PRH1: variants seen among roughly 807,000 people sequenced by gnomAD.
The protein encoded by PRH1 is salivary acidic proline-rich phosphoprotein 1/2.
A neutral mutation model predicts 7.9 loss-of-function variants in PRH1; 7 were observed. The observed-to-expected ratio is 0.89, with a 90% CI of 0.50 to 1.67. The LOEUF is 1.67. Among genes scored for constraint, PRH1 ranks in the 40% most tolerant of loss-of-function variants. The pLI is 0.00. For synonymous variants in PRH1, 45 were observed against 80.8 expected (o/e 0.56, Z 2.38); for missense variants, 109 against 223.6 (o/e 0.49, Z 3.27).
Position 11,017,992 on chromosome 12 carries a change from A to G in PRH1, c.-126+29028T>C, listed in dbSNP as rs141652757. Among the ~76,000 whole-genome samples the G allele has an allele frequency of 4.3e-3, 662 of 152,336 alleles. 5 individuals are homozygous for G. The highest frequency in any genetic ancestry group is 0.015 in the African/African-American group (640 of 41,574). On this transcript the variant is annotated intron_variant, in intron 1 of 3. Transcript: ENST00000539853. ...CCTCTGCCAAAACCAGATGGGTTACAGAATGAATGCAAAGACTCCTGGTTT... is the reference window on the plus strand; with the variant it reads ...CCTCTGCCAAAACCAGATGGGTTACGGAATGAATGCAAAGACTCCTGGTTT...
chr12:10,941,316 G>A (rs1203363909), intron 2 of PRH1, among the ~76,000 whole-genome samples: 1 of 152,146 alleles, frequency 6.6e-6, no homozygotes, highest in African/African-American at 2.4e-5. Context: ...AGCTCTTAGG[G>A]AAAGGCAATC....
intron 1 of PRH1, among the ~76,000 whole-genome samples, chr12:11,080,418 T>A (rs1944461453): frequency 8.5e-6 from 1 of 117,124 alleles, no homozygotes; most frequent in Admixed American, 8.5e-5. Flanking sequence ...TGAGCTATTA[T>A]GAATAATGCT....
chr12:10,900,311 T>A (rs1949705547), intron 2 of PRH1, among the ~76,000 whole-genome samples: 1 of 152,148 alleles, frequency 6.6e-6, no homozygotes, highest in Non-Finnish European at 1.5e-5. Flanking sequence ...TTAGAGACAT[T>A]GTAAGGGAAA....
intron 1 of PRH1, among the ~76,000 whole-genome samples, chr12:11,112,728 T>C (rs752731335): frequency 1.3e-5 from 2 of 152,218 alleles, no homozygotes; most frequent in Non-Finnish European, 2.9e-5. Flanking sequence ...GCATTCCCTT[T>C]GAAAATCGGC....
Position 10,882,637 on chromosome 12 carries a change from C to A in PRH1, c.162G>T (p.Gln54His). 2.5e-6 allele frequency: 4 copies of A among 1,612,282 alleles called. No individual in the cohort carries two copies. In the South Asian group the frequency reaches 4.4e-5, roughly 18 times the overall value. ...CATCACCAGCAGAGGGTTGAGATTG[C>A]TGTCCTCCCAAAGGTGGTCCCTGAC... ...EERQGPPLGG[Q>H]QSQPSAGDGN... is the part of the protein sequence containing the mutation. The change falls in exon 3 of 4, where the codon CAG (glutamine) becomes CAT (histidine). Residue 54 changes from glutamine to histidine, a missense_variant. Gln to His is a conservative substitution (Grantham distance 24). Around this residue, in one of 3 missense-constraint regions of PRH1, gnomAD observed 60 missense variants for 76.5 expected, o/e 0.78. Coordinates refer to ENST00000543626, the MANE Select transcript of PRH1 (RefSeq NM_001393989.1).
At chr12:10,961,265 G>A (rs1192959206) in intron 2 of PRH1, among the ~76,000 whole-genome samples, 1 of 144,100 alleles carries the variant, frequency 6.9e-6, no homozygotes. Flanking sequence ...CAAAACAGCA[G>A]TTGCAGAAGA....
chr12:11,045,669 G>A (rs1411468991), intron 1 of PRH1, among the ~76,000 whole-genome samples: 1 of 151,870 alleles, frequency 6.6e-6, no homozygotes, highest in East Asian at 1.9e-4. Context: ...ACCAAAAAAT[G>A]TAAAATTATG....
intron 3 of PRH1, among the ~76,000 whole-genome samples, chr12:10,881,567 T>G (rs1470801152): frequency 6.6e-6 from 1 of 152,168 alleles, no homozygotes; most frequent in Non-Finnish European, 1.5e-5. Flanking sequence ...GAATATACAG[T>G]ATGGTATAAG....
intron 1 of PRH1, among the ~76,000 whole-genome samples, chr12:11,024,337 A>G (rs1263940478): frequency 6.6e-6 from 1 of 152,252 alleles, no homozygotes; most frequent in Non-Finnish European, 1.5e-5. Context: ...GTAGGGCAAG[A>G]CATGGAACAT....
intron 1 of PRH1, among the ~76,000 whole-genome samples, chr12:10,980,786 G>GA (rs907523436): frequency 6.6e-6 from 1 of 152,102 alleles, no homozygotes; most frequent in African/African-American, 2.4e-5. Context: ...AGTAAATAAG[G>GA]AAAAAATCAG....
rs34742610 is a variant in PRH1, at chr12:11,094,299, C to CAAAAAAAAAAAA, written n.124-47123_124-47112dup. On this transcript the variant is annotated intron_variant and non_coding_transcript_variant, in intron 1 of 4. Coordinates refer to the PRH1 transcript ENST00000541977. ...CCTGAGTGACAGACCAAGACTCTGT[C>CAAAAAAAAAAAA]AAAAAAAAAAAAAAAAAAAAAAAAA... Among the ~76,000 whole-genome samples, 23 of 27,014 alleles carry CAAAAAAAAAAAA rather than the reference C, an allele frequency of 8.5e-4. 3 individuals carry two copies. The highest frequency in any genetic ancestry group is 1.7e-3 in the Admixed American group (3 of 1,796). The allele number at this position is 27,014 out of a possible 152,430, so 17.7% of individuals were successfully genotyped here.
chr12:10,909,606 G>T (rs1373857651), intron 2 of PRH1: 3 of 327,122 alleles, frequency 9.2e-6, no homozygotes, highest in Non-Finnish European at 1.7e-5. Context: ...ACTCACATTT[G>T]CAACCATGCA....
intron 1 of PRH1, chr12:11,030,836 T>C (rs750544925): frequency 6.2e-6 from 10 of 1,614,152 alleles, no homozygotes; most frequent in Non-Finnish European, 8.5e-6. Flanking sequence ...ACTCCTCAAT[T>C]TGATCTTCCA....
intron 2 of PRH1, among the ~76,000 whole-genome samples, chr12:10,919,152 A>T (rs909872366): frequency 2.0e-4 from 31 of 152,150 alleles, no homozygotes; most frequent in African/African-American, 7.2e-4. Context: ...TATGTTACAC[A>T]TTTGTCTTAT....
intron 1 of PRH1, among the ~76,000 whole-genome samples, chr12:11,140,582 A>G (rs533166000): frequency 1.3e-5 from 2 of 152,280 alleles, no homozygotes; most frequent in African/African-American, 4.8e-5. Flanking sequence ...GTCTTTATGG[A>G]AAACATGATA....
intron 2 of PRH1, chr12:10,938,702 G>C (rs1950337179): frequency 3.7e-6 from 6 of 1,613,810 alleles, no homozygotes. Context: ...AAAGTTACTT[G>C]AATCAGAACT....
intron 1 of PRH1, chr12:10,998,008 C>T: frequency 1.6e-6 from 1 of 610,570 alleles, no homozygotes; most frequent in Non-Finnish European, 2.7e-6. Flanking sequence ...CTTTTAAATT[C>T]TGTGAACAAT....
intron 1 of PRH1, among the ~76,000 whole-genome samples, chr12:11,004,376 C>T (rs911879667): frequency 6.6e-6 from 1 of 151,936 alleles, no homozygotes; most frequent in Non-Finnish European, 1.5e-5. Context: ...TGTGGTGATG[C>T]ACACCTGTAA....
Position 11,162,128 on chromosome 12 carries a change from G to A in PRH1, n.39+9294C>T, listed in dbSNP as rs369843307. On this transcript the variant is annotated intron_variant and non_coding_transcript_variant, in intron 1 of 1. Coordinates refer to the PRH1 transcript ENST00000541175. ...ATCATCCTTTTCAGATGCAGCCAAG[G>A]AGGATAATAATGAAGAACATCCAGA... Among the ~76,000 whole-genome samples the A allele has an allele frequency of 4.6e-5, 7 of 152,138 alleles. No homozygotes were observed. The East Asian group carries it at 1.3e-3, about 29-fold the overall frequency.
Sources: gnomAD v4.1 joint callset for allele counts (sites outside exome capture counted in the v4.1 genomes callset) on GRCh38, gnomAD v4.1.1 for gene constraint, gnomAD v4.1.1 regional missense constraint, MANE v1.5 for transcripts, NCBI Gene and HGNC (gene_info 2026-07-23, HGNC 2026-07-21) for gene names.